PREX1: variants seen among roughly 807,000 people sequenced by gnomAD.
PREX1 encodes phosphatidylinositol 3,4,5-trisphosphate-dependent Rac exchanger 1 protein.
In PREX1, 41 loss-of-function variants were observed where a neutral mutation model predicts 198.3. That is an observed-to-expected ratio of 0.21 (90% CI 0.16 to 0.27). PREX1 has a LOEUF of 0.27. PREX1 is among the 10% of genes least tolerant of loss of function. The probability of loss-of-function intolerance (pLI) is 1.00; values close to 1 mark genes in which losing one functional copy is unlikely to be tolerated. For synonymous variants in PREX1, 843 were observed against 887.2 expected (o/e 0.95, Z 0.89); for missense variants, 1,620 against 2,200.7 (o/e 0.74, Z 5.28).
chr20:48,855,890 G>A, the PREX1 span, among the ~76,000 whole-genome samples: 291 of 152,336 alleles, frequency 1.9e-3, 2 homozygotes, highest in African/African-American at 6.4e-3. Flanking sequence ...GATAGAGCGA[G>A]AGACTCTGTC....
intron 1 of PREX1, among the ~76,000 whole-genome samples, chr20:48,826,332 C>T (rs940991820): frequency 3.3e-5 from 5 of 152,088 alleles, no homozygotes; most frequent in Non-Finnish European, 5.9e-5. Context: ...GGCTCTGCCC[C>T]GTCCCACCCC....
At chr20:48,719,816 C>T (rs930657706) in intron 5 of PREX1, among the ~76,000 whole-genome samples, 3 of 152,134 alleles carry the variant, frequency 2.0e-5, no homozygotes, top group African/African-American at 2.4e-5. Context: ...GACCACCCCA[C>T]GGTCCATCCT....
intron 4 of PREX1, among the ~76,000 whole-genome samples, chr20:48,730,449 GCA>G (rs1045970167): frequency 2.8e-4 from 38 of 133,756 alleles, no homozygotes; most frequent in Non-Finnish European, 5.8e-4. Context: ...ACACACACAC[GCA>G]CATCCTGAAT....
chr20:48,818,822 G>C lies in PREX1; in HGVS notation c.219+8820C>G, dbSNP rs114146285. Among the ~76,000 whole-genome samples the C allele has an allele frequency of 4.2e-3, 644 of 152,302 alleles. 7 individuals carry two copies. Among genetic ancestry groups the C allele is most frequent in the African/African-American group, 0.015 (616 of 41,560 alleles). On this transcript the variant is annotated intron_variant, in intron 1 of 39. Transcript: ENST00000371941. ...GTCTCAGGAAGCAGAGGTTCATCTC[G>C]CATCAACAGCCCTCCCAGCCCAGAG...
At chr20:48,800,718 A>C (rs2090382613) in intron 1 of PREX1, among the ~76,000 whole-genome samples, 1 of 152,184 alleles carries the variant, frequency 6.6e-6, no homozygotes. Flanking sequence ...GGGCTAAAAC[A>C]AGGCCCCAAG....
chr20:48,787,607 T>TA (rs200161913), intron 1 of PREX1, among the ~76,000 whole-genome samples: 1,684 of 134,548 alleles, frequency 0.013, 27 homozygotes, highest in African/African-American at 0.042. Context: ...CCCCTTACAT[T>TA]AAAAAAAAAA....
intron 1 of PREX1, among the ~76,000 whole-genome samples, chr20:48,786,657 A>T (rs1292685298): frequency 6.6e-6 from 1 of 151,902 alleles, no homozygotes; most frequent in Non-Finnish European, 1.5e-5. Flanking sequence ...GGTGGGAAAA[A>T]TCGCTTGAAC....
intron 28 of PREX1, 52 bp downstream of exon 28, chr20:48,642,355 G>A: frequency 6.2e-7 from 1 of 1,603,898 alleles, no homozygotes; most frequent in South Asian, 1.1e-5. Flanking sequence ...GCCCTCCCCA[G>A]GTGTGACAGG....
intron 1 of PREX1, among the ~76,000 whole-genome samples, chr20:48,809,038 T>C (rs1481870701): frequency 1.3e-5 from 2 of 152,070 alleles, no homozygotes; most frequent in African/African-American, 2.4e-5. Context: ...ATCGACACAA[T>C]AAACAGGCAA....
intron 37 of PREX1, among the ~76,000 whole-genome samples, chr20:48,628,259 G>A (rs1437947589): frequency 6.6e-6 from 1 of 152,180 alleles, no homozygotes; most frequent in East Asian, 1.9e-4. Flanking sequence ...AGGAGGACTC[G>A]GTAAATATCT....
At chr20:48,722,147 T>C (rs564396838) in intron 5 of PREX1, among the ~76,000 whole-genome samples, 11 of 152,154 alleles carry the variant, frequency 7.2e-5, no homozygotes, top group African/African-American at 2.7e-4. Context: ...TCCACACAAA[T>C]CCTGTACATG....
the PREX1 span, among the ~76,000 whole-genome samples, chr20:48,856,462 C>T: frequency 2.0e-5 from 3 of 152,170 alleles, no homozygotes; most frequent in African/African-American, 7.2e-5. Context: ...ACATTCCCAT[C>T]CTCTCCTTCA....
At chr20:48,755,187 GA>G (rs1046543969) in intron 1 of PREX1, among the ~76,000 whole-genome samples, 3 of 151,660 alleles carry the variant, frequency 2.0e-5, no homozygotes, top group Admixed American at 2.0e-4. Flanking sequence ...CCTTAACTAG[GA>G]AAAAAAATCA....
At chr20:48,843,074 A>G in the PREX1 span, among the ~76,000 whole-genome samples, 1 of 152,232 alleles carries the variant, frequency 6.6e-6, no homozygotes, top group Non-Finnish European at 1.5e-5. Context: ...TCCCAGGAAG[A>G]GACTCCAAGG....
At chr20:48,714,354 A>G (rs2089952103) in intron 5 of PREX1, among the ~76,000 whole-genome samples, 3 of 152,250 alleles carry the variant, frequency 2.0e-5, no homozygotes, top group Admixed American at 2.0e-4. Flanking sequence ...GGAAAATAGT[A>G]TCAATTACAC....
chr20:48,626,603 C>T (rs1373455036), intron 39 of PREX1, among the ~76,000 whole-genome samples: 1 of 152,144 alleles, frequency 6.6e-6, no homozygotes, highest in Non-Finnish European at 1.5e-5. Context: ...GGGCAAAGGC[C>T]GTGAAGGTAT....
In PREX1 at chr20:48,641,799, CAAGAAAGA is replaced by C. The variant is rs200336495; in HGVS notation, c.3775+361_3775+368del. 8.6e-5 allele frequency among the ~76,000 whole-genome samples: 10 copies of C among 116,828 alleles called. No homozygotes were observed. In the South Asian group the frequency reaches 1.1e-3, roughly 13 times the overall value. 76.6% of individuals were successfully genotyped at this position (116,828 alleles called of 152,430 possible). On this transcript the variant is annotated intron_variant, in intron 29 of 39. Coordinates refer to ENST00000371941, the MANE Select transcript of PREX1 (RefSeq NM_020820.4). ...AGAGTGAGACCCTTTCTCCAAAAAACAAGAAAGAAAGAAAGAAAGAAAGAAAGAGAGAG... is the reference window on the plus strand; with the variant it reads ...AGAGTGAGACCCTTTCTCCAAAAAACAAGAAAGAAAGAAAGAAAGAGAGAG...
rs772243863 is a variant in PREX1 at position 48,650,211 on chromosome 20, G to C, written c.2818-5C>G. ...GCTCTTCAGTTGGGCTGCAAACTGA[G>C]AAAGTGGAGGCCGTAAGGTCGTGAA... On this transcript the variant is annotated splice_polypyrimidine_tract_variant and splice_region_variant and intron_variant, in intron 23 of 39. Coordinates refer to ENST00000371941, the MANE Select transcript of PREX1 (RefSeq NM_020820.4). 3 of 1,606,694 alleles carry C rather than the reference G, an allele frequency of 1.9e-6. No homozygotes were observed. Among genetic ancestry groups the C allele is most frequent in the Non-Finnish European group, 2.6e-6 (3 of 1,174,410 alleles).
chr20:48,636,039 A>ACTGGTGAC (rs987626687), intron 32 of PREX1, among the ~76,000 whole-genome samples: 2 of 152,148 alleles, frequency 1.3e-5, no homozygotes, highest in African/African-American at 4.8e-5. Flanking sequence ...CCTCAGAGGC[A>ACTGGTGAC]CTGGTGACTC....
Sources: allele counts gnomAD v4.1 joint callset (sites outside exome capture counted in the v4.1 genomes callset), GRCh38; gene constraint gnomAD v4.1.1; transcripts MANE v1.5; gene names NCBI Gene and HGNC (gene_info 2026-07-23, HGNC 2026-07-21).